Variants in FLRT1 observed in about 807,000 individuals in gnomAD.
The protein encoded by FLRT1 is leucine-rich repeat transmembrane protein FLRT1.
FLRT1 carries 14 observed loss-of-function variants against 30.9 expected under a neutral mutation model. That is an observed-to-expected ratio of 0.45 (90% CI 0.30 to 0.71). FLRT1 has a LOEUF of 0.71. Ranked by LOEUF, FLRT1 falls within the 30% of genes least tolerant of loss-of-function variation. The pLI, the probability that FLRT1 is intolerant of heterozygous loss-of-function variation, is 0.08. For missense variants in FLRT1, 737 were observed against 949.2 expected, an observed-to-expected ratio of 0.78 and a Z score of 2.94; for synonymous variants, 368 against 430.4, an observed-to-expected ratio of 0.85 and a Z score of 1.80.
At chr11:64,040,372 G>A (rs1193673632) in intron 1 of FLRT1, among the ~76,000 whole-genome samples, 2 of 152,178 alleles carry the variant, frequency 1.3e-5, no homozygotes, top group East Asian at 1.9e-4. Context: ...AGGATGGATG[G>A]AGAGGGCTGC....
chr11:64,108,324 A>AG (rs1291583502), intron 2 of FLRT1, among the ~76,000 whole-genome samples: 1 of 151,926 alleles, frequency 6.6e-6, no homozygotes, highest in East Asian at 1.9e-4. Flanking sequence ...AAAAAAAAAA[A>AG]AAAAAGACTT....
At chr11:64,110,228 T>C (rs746112156) in intron 2 of FLRT1, among the ~76,000 whole-genome samples, 1 of 152,030 alleles carries the variant, frequency 6.6e-6, no homozygotes, top group Admixed American at 6.5e-5. Context: ...AGTGGGCAGA[T>C]TGCTTGAGCC....
intron 1 of FLRT1, among the ~76,000 whole-genome samples, chr11:64,097,426 G>C (rs1466114978): frequency 6.6e-6 from 1 of 152,188 alleles, no homozygotes; most frequent in Non-Finnish European, 1.5e-5. Context: ...CTCCGTCCTG[G>C]GCGAGTGGGC....
At chr11:64,092,431 G>A (rs925325573) in intron 1 of FLRT1, among the ~76,000 whole-genome samples, 1 of 152,252 alleles carries the variant, frequency 6.6e-6, no homozygotes, top group Non-Finnish European at 1.5e-5. Context: ...TGGAGGGCTG[G>A]TGGGGCCTCC....
At chr11:64,084,225 A>C (rs553808408) in intron 1 of FLRT1, among the ~76,000 whole-genome samples, 1 of 152,002 alleles carries the variant, frequency 6.6e-6, no homozygotes, top group African/African-American at 2.4e-5. Flanking sequence ...CCTGGGGCAA[A>C]GCAGTGACAG....
intron 1 of FLRT1, among the ~76,000 whole-genome samples, chr11:64,079,143 T>C (rs1944259520): frequency 6.6e-6 from 1 of 151,520 alleles, no homozygotes; most frequent in Non-Finnish European, 1.5e-5. Context: ...AGGGAGGTGG[T>C]TGGATTCATT....
At chr11:64,068,844 T>C (rs1944053749) in intron 1 of FLRT1, among the ~76,000 whole-genome samples, 1 of 152,228 alleles carries the variant, frequency 6.6e-6, no homozygotes, top group African/African-American at 2.4e-5. Context: ...CCTCCCAGCC[T>C]GGTTGAGTGA....
intron 1 of FLRT1, among the ~76,000 whole-genome samples, chr11:64,046,753 C>T (rs1207975108): frequency 6.6e-6 from 1 of 152,164 alleles, no homozygotes; most frequent in East Asian, 1.9e-4. Context: ...CCTGCCTCAA[C>T]GTCCCAAAGT....
chr11:64,112,924 C>A (rs566098856), intron 2 of FLRT1, among the ~76,000 whole-genome samples: 1 of 152,226 alleles, frequency 6.6e-6, no homozygotes, highest in African/African-American at 2.4e-5. Flanking sequence ...ACATTCACCA[C>A]GGCAGGGCCC....
Position 64,036,335 on chromosome 11 carries a change from G to C in FLRT1, c.-1038+176G>C, listed in dbSNP as rs1943379527. 6.6e-6 allele frequency among the ~76,000 whole-genome samples: 1 copy of C among 152,148 alleles called. No individual in the cohort carries two copies. The highest frequency in any genetic ancestry group is 2.4e-5 in the African/African-American group (1 of 41,466). ...GCCCAGCCTTTGGGATTTGGGGTGG[G>C]GGTCCCTGAGTCAAGAGCCAAGCAC... On this transcript the variant is annotated intron_variant, in intron 1 of 2. Coordinates refer to ENST00000682287, the MANE Select transcript of FLRT1 (RefSeq NM_013280.5). This position sits in a 1 kb window ranked among gnomAD's most constrained non-coding sequence, Gnocchi z 5.6.
intron 1 of FLRT1, among the ~76,000 whole-genome samples, chr11:64,055,426 G>T (rs1259474031): frequency 6.6e-6 from 1 of 152,352 alleles, no homozygotes; most frequent in African/African-American, 2.4e-5. Context: ...CACAGGCCAG[G>T]ACGGGAGCTA....
chr11:64,044,821 G>A (rs1240044974), intron 1 of FLRT1, among the ~76,000 whole-genome samples: 2 of 152,178 alleles, frequency 1.3e-5, no homozygotes, highest in African/African-American at 4.8e-5. Flanking sequence ...CCTCTGAGCT[G>A]TCTCCTGTGG....
chr11:64,110,908 C>T (rs916173721), intron 2 of FLRT1, among the ~76,000 whole-genome samples: 9 of 152,212 alleles, frequency 5.9e-5, no homozygotes, highest in African/African-American at 1.7e-4. Context: ...CCCCAGGTCC[C>T]GCCCTACTTT....
At chr11:64,074,137 C>T (rs1474015894) in intron 1 of FLRT1, among the ~76,000 whole-genome samples, 1 of 152,204 alleles carries the variant, frequency 6.6e-6, no homozygotes, top group Non-Finnish European at 1.5e-5. Context: ...TAGAATGTCA[C>T]AAGTAGACAT....
chr11:64,043,373 A>G (rs1943524895), intron 1 of FLRT1, among the ~76,000 whole-genome samples: 1 of 152,178 alleles, frequency 6.6e-6, no homozygotes, highest in South Asian at 2.1e-4. Flanking sequence ...CTTGTGGGGC[A>G]CTGCTGAGCC....
At chr11:64,087,326 C>A (rs535165508) in intron 1 of FLRT1, among the ~76,000 whole-genome samples, 3 of 152,312 alleles carry the variant, frequency 2.0e-5, no homozygotes, top group African/African-American at 2.4e-5. Context: ...GGGTCCGCCA[C>A]CCAGACCTCA....
chr11:64,053,022 G>C lies in FLRT1; in HGVS notation c.-1038+16863G>C, dbSNP rs562207204. The stretch of plus-strand genomic sequence containing the variant: ...TTACATTCGGTTGCTTACACCCCGG[G>C]CTCTCAACTGCAGCCAAACAGTGCG... On this transcript the variant is annotated intron_variant, in intron 1 of 2. Transcript: ENST00000682287. Among the ~76,000 whole-genome samples the C allele has an allele frequency of 2.1e-4, 32 of 152,326 alleles. No homozygotes were observed. In the East Asian group the frequency reaches 5.8e-3, roughly 28 times the overall value.
intron 1 of FLRT1, among the ~76,000 whole-genome samples, chr11:64,098,815 C>T (rs1468613585): frequency 1.3e-5 from 2 of 152,204 alleles, no homozygotes; most frequent in Non-Finnish European, 2.9e-5. Flanking sequence ...TCATTTAAAA[C>T]ACCACTTCGC....
chr11:64,089,138 T>A (rs1379649320), intron 1 of FLRT1, among the ~76,000 whole-genome samples: 2 of 152,158 alleles, frequency 1.3e-5, no homozygotes, highest in Non-Finnish European at 2.9e-5. Context: ...AGGAGCCCGC[T>A]GGTGACCAGC....
Sources: allele counts gnomAD v4.1 joint callset (sites outside exome capture counted in the v4.1 genomes callset), GRCh38; gene constraint gnomAD v4.1.1; non-coding constraint Gnocchi (gnomAD v3.1); transcripts MANE v1.5; gene names NCBI Gene and HGNC (gene_info 2026-07-23, HGNC 2026-07-21).